The following NFE2L3 variants were observed in gnomAD, a reference collection of about 807,000 sequenced individuals.
NFE2L3 encodes the protein nuclear factor erythroid 2-related factor 3.
NFE2L3 carries 18 observed loss-of-function variants against 23.5 expected under a neutral mutation model. The observed-to-expected ratio is 0.77, with a 90% CI of 0.53 to 1.13. NFE2L3 has a LOEUF of 1.13. Among genes scored for constraint, NFE2L3 ranks in the 50% most tolerant of loss-of-function variants. The pLI is 0.00. For synonymous variants in NFE2L3, 424 were observed against 354.5 expected (o/e 1.20, Z -2.20); for missense variants, 1,152 against 877.2 (o/e 1.31, Z -3.96).
intron 2 of NFE2L3, among the ~76,000 whole-genome samples, chr7:26,183,221 T>C (rs1478951625): frequency 2.0e-5 from 3 of 151,854 alleles, no homozygotes; most frequent in African/African-American, 7.2e-5. Context: ...CTTTGGACTT[T>C]TAAGTATGCA....
intron 3 of NFE2L3, 178 bp downstream of exon 3, chr7:26,183,962 C>A: frequency 1.8e-6 from 1 of 544,394 alleles, no homozygotes; most frequent in Non-Finnish European, 3.3e-6. Context: ...CAAATAATCC[C>A]AAAGGTATAA....
intron 1 of NFE2L3, among the ~76,000 whole-genome samples, chr7:26,170,165 G>C (rs1339552858): frequency 3.9e-5 from 6 of 152,124 alleles, no homozygotes; most frequent in African/African-American, 1.4e-4. Context: ...GTCAGAGCTG[G>C]AAGGGGCCCT....
chr7:26,186,614 ATATTAAATCCAT>A lies in NFE2L3; in HGVS notation c.*832_*843del, dbSNP rs1782494266. On this transcript the variant is annotated 3_prime_UTR_variant, in exon 4 of 4. Transcript: ENST00000056233. ...TGCAAAAACGTAACTCCTTGTGTGT[ATATTAAATCCAT>A]AAAATCTCTGGCAGTAAAGCCAGCC... 1 of 152,242 alleles carries A rather than the reference ATATTAAATCCAT, an allele frequency of 6.6e-6. No homozygotes were observed. Among genetic ancestry groups the A allele is most frequent in the Admixed American group, 6.5e-5 (1 of 15,286 alleles). 9.4% of individuals were successfully genotyped at this position (152,242 alleles called of 1,614,324 possible).
At chr7:26,177,881 A>C in intron 1 of NFE2L3, 62 bp from the exon 2 acceptor site, 1 of 1,429,424 alleles carries the variant, frequency 7.0e-7, no homozygotes, top group Admixed American at 2.0e-5. Context: ...GTCCCTGAAC[A>C]ATAAGCACAA....
At chr7:26,162,991 T>A (rs933610855) in intron 1 of NFE2L3, among the ~76,000 whole-genome samples, 1 of 151,852 alleles carries the variant, frequency 6.6e-6, no homozygotes, top group African/African-American at 2.4e-5. Flanking sequence ...GGATTATAGG[T>A]CCATATCACA....
intron 1 of NFE2L3, among the ~76,000 whole-genome samples, chr7:26,165,323 G>T (rs573603237): frequency 6.6e-6 from 1 of 151,920 alleles, no homozygotes; most frequent in Non-Finnish European, 1.5e-5. Flanking sequence ...CTTTTATTTC[G>T]TTGAGCAGTG....
chr7:26,175,301 C>T (rs1036087370), intron 1 of NFE2L3, among the ~76,000 whole-genome samples: 27 of 151,218 alleles, frequency 1.8e-4, no homozygotes, highest in Admixed American at 5.9e-4. Context: ...CGGAGCCTGC[C>T]GTGAGCCGAG....
chr7:26,183,359 C>A (rs1030415006), intron 2 of NFE2L3, among the ~76,000 whole-genome samples: 1 of 147,646 alleles, frequency 6.8e-6, no homozygotes, highest in East Asian at 2.6e-4. Flanking sequence ...ACCAACTTGG[C>A]CAACATGGTG....
chr7:26,152,569 C>T lies in NFE2L3; in HGVS notation c.71C>T (p.Ala24Val). ...LLHLTLLLSL[A>V]GLRVDLDLYL... ...CACCTCACCCTCCTGCTGAGCTTGG[C>T]GGGGCTCCGCGTAGACCTAGATCTT... The change falls in exon 1 of 4, where the codon GCG (alanine) becomes GTG (valine). Residue 24 changes from alanine (A) to valine (V), a missense_variant. Physicochemically the swap from Ala to Val is moderately conservative, Grantham distance 64. Transcript: ENST00000056233. This position sits in a 1 kb window ranked among gnomAD's most constrained non-coding sequence, Gnocchi z 4.4. 3 of 1,529,474 alleles carry T rather than the reference C, an allele frequency of 2.0e-6. No individual in the cohort carries two copies. The highest frequency in any genetic ancestry group is 2.7e-5 in the East Asian group (1 of 37,284). 94.7% of individuals were successfully genotyped at this position (1,529,474 alleles called of 1,614,324 possible).
At chr7:26,160,263 A>G (rs369548917) in intron 1 of NFE2L3, among the ~76,000 whole-genome samples, 3 of 152,108 alleles carry the variant, frequency 2.0e-5, no homozygotes, top group African/African-American at 2.4e-5. Flanking sequence ...GGCTGGATCT[A>G]TGTTAATATT....
intron 1 of NFE2L3, among the ~76,000 whole-genome samples, chr7:26,158,185 A>T (rs1402651149): frequency 1.3e-5 from 2 of 152,082 alleles, no homozygotes; most frequent in Non-Finnish European, 2.9e-5. Flanking sequence ...AGTAGCTGAG[A>T]TTACAGGCGC....
Position 26,180,999 on chromosome 7 carries a change from C to T in NFE2L3, c.751-2702C>T, listed in dbSNP as rs1418837235. 2.0e-5 allele frequency among the ~76,000 whole-genome samples: 3 copies of T among 151,396 alleles called. No homozygotes were observed. In the East Asian group the frequency reaches 5.8e-4, roughly 29 times the overall value. On this transcript the variant is annotated intron_variant, in intron 2 of 3. Coordinates refer to ENST00000056233, the MANE Select transcript of NFE2L3 (RefSeq NM_004289.7). Reference sequence around the variant, plus strand: ...TTTTTGAGGAAGGCGGCGGGGGAGACAGGATCTCACTCTGTCACCCAGGCT... The same window carrying T: ...TTTTTGAGGAAGGCGGCGGGGGAGATAGGATCTCACTCTGTCACCCAGGCT...
At chr7:26,177,332 T>C (rs1023087969) in intron 1 of NFE2L3, among the ~76,000 whole-genome samples, 4 of 152,094 alleles carry the variant, frequency 2.6e-5, no homozygotes, top group Non-Finnish European at 5.9e-5. Context: ...TGAGCGAGAC[T>C]CCCTCTGCAA....
chr7:26,183,502 T>C (rs1240736173), intron 2 of NFE2L3, among the ~76,000 whole-genome samples, 199 bp from the exon 3 acceptor site: 2 of 147,248 alleles, frequency 1.4e-5, no homozygotes, highest in Non-Finnish European at 3.1e-5. Flanking sequence ...GAGCCGAGAT[T>C]GCACCACTGC....
intron 1 of NFE2L3, chr7:26,173,410 T>C (rs1335159886): frequency 6.6e-6 from 1 of 152,226 alleles, no homozygotes; most frequent in African/African-American, 2.4e-5. Context: ...ATGTGTGTTG[T>C]ATTAATGCAC....
chr7:26,183,569 C>A, intron 2 of NFE2L3, 132 bp from the exon 3 acceptor site: 1 of 629,170 alleles, frequency 1.6e-6, no homozygotes, highest in South Asian at 2.0e-5. Context: ...AGTAGAACTT[C>A]CAACCAAGGA....
intron 1 of NFE2L3, among the ~76,000 whole-genome samples, chr7:26,172,405 T>C (rs557597414): frequency 6.6e-6 from 1 of 152,350 alleles, no homozygotes; most frequent in East Asian, 1.9e-4. Flanking sequence ...TTGAAACCAT[T>C]GCATCCCTCA....
At chr7:26,156,575 G>A (rs1306363422) in intron 1 of NFE2L3, among the ~76,000 whole-genome samples, 1 of 152,102 alleles carries the variant, frequency 6.6e-6, no homozygotes, top group Admixed American at 6.5e-5. Context: ...CATTCACAAC[G>A]GATGAAGCAT....
intron 1 of NFE2L3, among the ~76,000 whole-genome samples, chr7:26,164,632 C>G (rs2128098194): frequency 6.6e-6 from 1 of 152,276 alleles, no homozygotes; most frequent in African/African-American, 2.4e-5. Flanking sequence ...ATGGTAGTTT[C>G]TTTTGCTGTG....
Sources: gnomAD v4.1 joint callset for allele counts (sites outside exome capture counted in the v4.1 genomes callset) on GRCh38, gnomAD v4.1.1 for gene constraint, Gnocchi (gnomAD v3.1) non-coding constraint, MANE v1.5 for transcripts, NCBI Gene and HGNC (gene_info 2026-07-23, HGNC 2026-07-21) for gene names.